BARX2: variants seen among roughly 807,000 people sequenced by gnomAD.
BARX2 encodes the protein homeobox protein BarH-like 2.
A neutral mutation model predicts 25.5 loss-of-function variants in BARX2; 11 were observed. That is an observed-to-expected ratio of 0.43 (90% CI 0.27 to 0.71). The LOEUF (loss-of-function observed/expected upper bound fraction) is 0.71, where lower values mean the gene tolerates loss of function less well. BARX2 is among the 30% of genes least tolerant of loss of function. BARX2 has a pLI of 0.19. For missense variants in BARX2, 360 were observed against 359.9 expected, an observed-to-expected ratio of 1.00 and a Z score of 0.00; for synonymous variants, 137 against 149.5, an observed-to-expected ratio of 0.92 and a Z score of 0.61.
intron 1 of BARX2, among the ~76,000 whole-genome samples, chr11:129,431,120 C>G (rs1186929084): frequency 6.6e-6 from 1 of 152,230 alleles, no homozygotes; most frequent in Non-Finnish European, 1.5e-5. Context: ...CTCGGCCTCC[C>G]AGTGTGCATC....
At chr11:129,382,057 A>T (rs144027497) in intron 1 of BARX2, among the ~76,000 whole-genome samples, 33 of 152,348 alleles carry the variant, frequency 2.2e-4, no homozygotes, top group African/African-American at 7.9e-4. Context: ...AGACTGAGTA[A>T]ATGTTAAACC....
At chr11:129,381,185 C>T (rs576464174) in intron 1 of BARX2, among the ~76,000 whole-genome samples, 1 of 152,238 alleles carries the variant, frequency 6.6e-6, no homozygotes, top group East Asian at 1.9e-4. Context: ...GGTTGAAATG[C>T]CCCTCCAAAT....
At position 129,436,976 on chromosome 11, in the gene BARX2, C is replaced by G. The variant is rs1450847639; in HGVS notation, c.413C>G (p.Thr138Ser). The G allele has an allele frequency of 1.9e-5, 30 of 1,610,314 alleles. No individual in the cohort carries two copies. Among genetic ancestry groups the G allele is most frequent in the Non-Finnish European group, 2.5e-5 (30 of 1,177,498 alleles). Residue 138 changes from threonine to serine, a missense_variant, in exon 2 of 4, where the codon ACC becomes AGC. Physicochemically the swap from Thr to Ser is moderately conservative, Grantham distance 58. This residue lies in a region of BARX2 where 240 missense variants were observed against 228.7 expected (regional missense o/e 1.05). Transcript: ENST00000281437. This position sits in a 1 kb window ranked among gnomAD's most constrained non-coding sequence, Gnocchi z 4.5. ...PRQKKPRRSRTIFTELQLMGL... is the reference protein window; with the variant it reads ...PRQKKPRRSRSIFTELQLMGL... Reference sequence around the variant, plus strand: ...CAGAAGAAGCCCCGCCGGAGTCGCACCATCTTCACCGAGCTGCAGCTCATG... The same window carrying G: ...CAGAAGAAGCCCCGCCGGAGTCGCAGCATCTTCACCGAGCTGCAGCTCATG...
chr11:129,444,508 A>G lies in BARX2; in HGVS notation c.573+1589A>G, dbSNP rs148142491. Among the ~76,000 whole-genome samples, 231 of 152,330 alleles carry G rather than the reference A, an allele frequency of 1.5e-3. 1 individual carries two copies. The highest frequency in any genetic ancestry group is 5.4e-3 in the African/African-American group (224 of 41,574). On this transcript the variant is annotated intron_variant, in intron 3 of 3. Transcript: ENST00000281437. ...ATATATTTTGTGTCTCTTGTGAGCC[A>G]TTCCTTGTCCTAGGCACTATAAGAA...
chr11:129,451,739 T>G lies in BARX2; in HGVS notation c.*337T>G. ...CTATATCCTAGCATGCAGTGGAAAG[T>G]GCTTAGCTCTCTCCCTCCTGACCTC... is the stretch of plus-strand genomic sequence containing the variant. On this transcript the variant is annotated 3_prime_UTR_variant, in exon 4 of 4. Transcript: ENST00000281437. 1 of 240,134 alleles carries G rather than the reference T, an allele frequency of 4.2e-6. No individual in the cohort carries two copies. Among genetic ancestry groups the G allele is most frequent in the Non-Finnish European group, 8.1e-6 (1 of 123,134 alleles). 14.9% of individuals were successfully genotyped at this position (240,134 alleles called of 1,614,324 possible).
intron 1 of BARX2, among the ~76,000 whole-genome samples, chr11:129,435,585 G>A (rs376469215): frequency 1.3e-5 from 2 of 152,334 alleles, no homozygotes; most frequent in Middle Eastern, 6.8e-3. Flanking sequence ...GTCCCAAAGG[G>A]CAGTCCCTGG....
In BARX2 at chr11:129,376,102, A is replaced by G. The variant is rs762467548; in HGVS notation, c.67A>G (p.Lys23Glu). 1.2e-5 allele frequency: 20 copies of G among 1,612,728 alleles called. No individual in the cohort carries two copies. Among genetic ancestry groups the G allele is most frequent in the Non-Finnish European group, 1.7e-5 (20 of 1,179,492 alleles). ...GQLKAARRRYKTFMIDEILSK... is the reference protein window; with the variant it reads ...GQLKAARRRYETFMIDEILSK... ...GCTCAAAGCAGCCAGGCGGCGCTAC[A>G]AGACTTTCATGATCGACGAGATCCT... The change falls in exon 1 of 4, where the codon AAG becomes GAG. Residue 23 changes from lysine (K) to glutamate (E), a missense_variant. Around this residue, in one of 3 missense-constraint regions of BARX2, gnomAD observed 240 missense variants for 228.7 expected, o/e 1.05. Coordinates refer to ENST00000281437, the MANE Select transcript of BARX2 (RefSeq NM_003658.5). The surrounding 1 kb of genome is among the most constrained non-coding windows in gnomAD (Gnocchi z 4.2).
At chr11:129,397,727 G>A (rs1050650409) in intron 1 of BARX2, among the ~76,000 whole-genome samples, 1 of 152,190 alleles carries the variant, frequency 6.6e-6, no homozygotes, top group Admixed American at 6.5e-5. Flanking sequence ...AGAATCATAC[G>A]ACCAATTCCA....
chr11:129,400,793 C>A (rs1487077059), intron 1 of BARX2, among the ~76,000 whole-genome samples: 1 of 152,104 alleles, frequency 6.6e-6, no homozygotes, highest in South Asian at 2.1e-4. Flanking sequence ...CGGTGGCAGG[C>A]GTGGGTCAAG....
chr11:129,379,881 C>T (rs958337546), intron 1 of BARX2, among the ~76,000 whole-genome samples: 4 of 151,520 alleles, frequency 2.6e-5, no homozygotes, highest in Admixed American at 6.6e-5. Context: ...GGACATTTTA[C>T]AGCCTGCGAA....
In BARX2 at chr11:129,452,239, T is replaced by TA. The variant is rs1218697283; in HGVS notation, c.*839dup. The TA allele has an allele frequency of 6.6e-6, 1 of 152,206 alleles. No homozygotes were observed. The highest frequency in any genetic ancestry group is 1.5e-5 in the Non-Finnish European group (1 of 68,032). 9.4% of individuals were successfully genotyped at this position (152,206 alleles called of 1,614,324 possible). A position where few individuals can be genotyped will look rare whatever the true frequency, so the allele number is the denominator to read the frequency against. ...AAACTGCAATGCAGATATGTTCAGA[T>TA]AACTTTTATTTTTTAATTAAAAATA... is the stretch of plus-strand genomic sequence containing the variant. On this transcript the variant is annotated 3_prime_UTR_variant, in exon 4 of 4. Transcript: ENST00000281437.
chr11:129,447,430 A>C (rs753127105), intron 3 of BARX2, among the ~76,000 whole-genome samples: 26 of 152,160 alleles, frequency 1.7e-4, no homozygotes, highest in Non-Finnish European at 3.5e-4. Flanking sequence ...TCTCTGGACC[A>C]ACGGGACTAA....
chr11:129,451,215 T>C lies in BARX2; in HGVS notation c.653T>C (p.Ile218Thr), dbSNP rs773009389. The C allele has an allele frequency of 6.2e-6, 10 of 1,614,054 alleles. No individual in the cohort carries two copies. Among genetic ancestry groups the C allele is most frequent in the South Asian group, 2.2e-5 (2 of 91,068 alleles). The change falls in exon 4 of 4, where the codon ATT (isoleucine) becomes ACT (threonine). Residue 218 changes from isoleucine to threonine, a missense_variant. Around this residue, in one of 3 missense-constraint regions of BARX2, gnomAD observed 114 missense variants for 109.4 expected, o/e 1.04. Transcript: ENST00000281437. ...KKNSIPTSEE[I>T]EAEEKMNSQA... Reference sequence around the variant, plus strand: ...AACTCCATCCCCACATCAGAAGAGATTGAAGCTGAAGAGAAGATGAACAGC... The same window carrying C: ...AACTCCATCCCCACATCAGAAGAGACTGAAGCTGAAGAGAAGATGAACAGC...
chr11:129,382,022 C>T (rs1280663890), intron 1 of BARX2, among the ~76,000 whole-genome samples: 5 of 152,180 alleles, frequency 3.3e-5, no homozygotes, highest in African/African-American at 7.2e-5. Context: ...TTAAGCTCTG[C>T]ACAGCATTTA....
chr11:129,388,947 C>T (rs1327404349), intron 1 of BARX2, among the ~76,000 whole-genome samples: 1 of 152,122 alleles, frequency 6.6e-6, no homozygotes, highest in Non-Finnish European at 1.5e-5. Flanking sequence ...ACTCAGTTTC[C>T]TCATCTGTGA....
At chr11:129,420,928 G>T (rs770532353) in intron 1 of BARX2, among the ~76,000 whole-genome samples, 9 of 152,174 alleles carry the variant, frequency 5.9e-5, no homozygotes, top group Non-Finnish European at 1.3e-4. Context: ...GTACCAAAAA[G>T]GGACCTTCAA....
chr11:129,425,337 G>C (rs1486921285), intron 1 of BARX2, among the ~76,000 whole-genome samples: 1 of 152,238 alleles, frequency 6.6e-6, no homozygotes, highest in Non-Finnish European at 1.5e-5. Context: ...GTGGGTGCAT[G>C]AAGGTAGGAG....
At chr11:129,396,367 G>A (rs1283466344) in intron 1 of BARX2, among the ~76,000 whole-genome samples, 1 of 149,224 alleles carries the variant, frequency 6.7e-6, no homozygotes. Flanking sequence ...GTGGCTTTCT[G>A]ATATTGCCAC....
chr11:129,439,236 G>A (rs1229709676), intron 2 of BARX2, among the ~76,000 whole-genome samples: 1 of 152,118 alleles, frequency 6.6e-6, no homozygotes, highest in South Asian at 2.1e-4. Context: ...TGAATTAAAG[G>A]GTGGCAGTGG....
Sources: gnomAD v4.1 joint callset for allele counts (sites outside exome capture counted in the v4.1 genomes callset) on GRCh38, gnomAD v4.1.1 for gene constraint, gnomAD v4.1.1 regional missense constraint, Gnocchi (gnomAD v3.1) non-coding constraint, MANE v1.5 for transcripts, NCBI Gene and HGNC (gene_info 2026-07-23, HGNC 2026-07-21) for gene names.